The following CCDC178 variants were observed in gnomAD, a reference collection of about 807,000 sequenced individuals.
The protein encoded by CCDC178 is coiled-coil domain containing 178.
In CCDC178, 126 loss-of-function variants were observed where a neutral mutation model predicts 117.4. That is an observed-to-expected ratio of 1.07 (90% CI 0.93 to 1.24). CCDC178 has a LOEUF of 1.24. CCDC178 is among the 50% of genes most tolerant of loss of function. CCDC178 has a pLI of 0.00. For missense variants in CCDC178, 1,030 were observed against 986.9 expected (o/e 1.04, Z -0.59); for synonymous variants, 283 against 313.4 (o/e 0.90, Z 1.02).
intron 21 of CCDC178, among the ~76,000 whole-genome samples, chr18:33,077,125 T>C (rs2057222428): frequency 6.6e-6 from 1 of 152,196 alleles, no homozygotes; most frequent in Admixed American, 6.5e-5. Context: ...TTACAAGATA[T>C]TTATAATTGA....
chr18:33,167,972 G>A (rs1331011102), intron 20 of CCDC178, among the ~76,000 whole-genome samples: 1 of 151,934 alleles, frequency 6.6e-6, no homozygotes, highest in East Asian at 1.9e-4. Flanking sequence ...GTTCCTTATA[G>A]GTTTTGGATA....
At position 33,221,822 on chromosome 18, in the gene CCDC178, G is replaced by A. The variant is rs1002050385; in HGVS notation, c.1932+1284C>T. The stretch of plus-strand genomic sequence containing the variant: ...AAAGGCTTTGTGTACAAAACCACTA[G>A]TAAGATGAATAGAAAAAGCTGACCT... On this transcript the variant is annotated intron_variant, in intron 18 of 22. Transcript: ENST00000383096. 5.1e-4 allele frequency among the ~76,000 whole-genome samples: 77 copies of A among 152,108 alleles called. 1 individual carries two copies. Among genetic ancestry groups the A allele is most frequent in the African/African-American group, 1.8e-3 (74 of 41,534 alleles).
At chr18:33,079,330 G>C (rs1303098372) in intron 21 of CCDC178, among the ~76,000 whole-genome samples, 1 of 152,086 alleles carries the variant, frequency 6.6e-6, no homozygotes, top group Non-Finnish European at 1.5e-5. Context: ...AACCCTAGAA[G>C]GTAACCTAGG....
At chr18:33,202,327 G>T (rs1333415711) in intron 20 of CCDC178, among the ~76,000 whole-genome samples, 3 of 150,018 alleles carry the variant, frequency 2.0e-5, no homozygotes, top group Non-Finnish European at 4.4e-5. Flanking sequence ...GGTGGGGCGG[G>T]GGTTGCAGTG....
chr18:33,222,624 C>A (rs774728424), intron 18 of CCDC178, among the ~76,000 whole-genome samples: 2 of 152,044 alleles, frequency 1.3e-5, no homozygotes, highest in Admixed American at 6.6e-5. Flanking sequence ...TCTGGCCTAG[C>A]CTCTTATTGG....
At chr18:32,951,405 T>C (rs1442099527) in intron 22 of CCDC178, among the ~76,000 whole-genome samples, 2 of 152,100 alleles carry the variant, frequency 1.3e-5, no homozygotes, top group African/African-American at 4.8e-5. Flanking sequence ...ACAATCATGG[T>C]GGAAGGCACC....
chr18:33,400,678 T>A (rs1004197427), intron 3 of CCDC178, among the ~76,000 whole-genome samples: 2 of 152,226 alleles, frequency 1.3e-5, no homozygotes, highest in Non-Finnish European at 2.9e-5. Flanking sequence ...GAATGTTGTG[T>A]CTGGTTTGAT....
chr18:33,227,408 C>T (rs553282571), intron 15 of CCDC178, among the ~76,000 whole-genome samples: 65 of 151,230 alleles, frequency 4.3e-4, no homozygotes, highest in African/African-American at 1.5e-3. Context: ...AATTATCACG[C>T]AAAACCAGAA....
At chr18:33,132,615 G>T (rs1158099367) in intron 20 of CCDC178, among the ~76,000 whole-genome samples, 1 of 151,586 alleles carries the variant, frequency 6.6e-6, no homozygotes, top group Non-Finnish European at 1.5e-5. Context: ...TGAAAAATGA[G>T]GTGTTGGCTT....
chr18:33,398,781 A>C (rs1009526831), intron 3 of CCDC178, among the ~76,000 whole-genome samples: 1 of 152,186 alleles, frequency 6.6e-6, no homozygotes, highest in Admixed American at 6.5e-5. Context: ...TGAGTCATAC[A>C]AAGTGTTTGG....
chr18:33,092,540 T>C (rs887022852), intron 21 of CCDC178, among the ~76,000 whole-genome samples: 1 of 152,110 alleles, frequency 6.6e-6, no homozygotes, highest in African/African-American at 2.4e-5. Flanking sequence ...CAAATTACTA[T>C]AGAATAGTGG....
chr18:33,253,381 C>A (rs191663230), intron 14 of CCDC178, among the ~76,000 whole-genome samples: 4 of 151,874 alleles, frequency 2.6e-5, no homozygotes. Flanking sequence ...AGATAGTTTT[C>A]TAATGGAATC....
At chr18:33,029,843 G>A (rs2056300867) in intron 21 of CCDC178, among the ~76,000 whole-genome samples, 1 of 151,752 alleles carries the variant, frequency 6.6e-6, no homozygotes, top group South Asian at 2.1e-4. Context: ...GTTTTTCAGA[G>A]ACTGTACTTT....
At chr18:33,429,960 A>G (rs2064185124) in intron 2 of CCDC178, among the ~76,000 whole-genome samples, 1 of 152,206 alleles carries the variant, frequency 6.6e-6, no homozygotes, top group Non-Finnish European at 1.5e-5. Flanking sequence ...TCCACCTAAA[A>G]TGTAAACTTT....
intron 21 of CCDC178, among the ~76,000 whole-genome samples, chr18:33,059,605 C>T (rs191121766): frequency 4.6e-4 from 70 of 152,216 alleles, no homozygotes; most frequent in Middle Eastern, 3.4e-3. Context: ...CTCCAAATCA[C>T]GAAGTCCTTT....
chr18:33,335,552 CTT>C (rs1734182469), intron 9 of CCDC178, among the ~76,000 whole-genome samples: 1 of 151,874 alleles, frequency 6.6e-6, no homozygotes, highest in Non-Finnish European at 1.5e-5. Context: ...TTTTTCTCTC[CTT>C]GTCTTGCTGT....
intron 4 of CCDC178, among the ~76,000 whole-genome samples, chr18:33,390,169 A>G (rs934942132): frequency 2.6e-5 from 4 of 151,480 alleles, no homozygotes; most frequent in Non-Finnish European, 4.4e-5. Flanking sequence ...AGAAACTGTC[A>G]TTTTTAGAAA....
chr18:33,331,569 A>G (rs981337476), intron 10 of CCDC178, among the ~76,000 whole-genome samples: 4 of 152,134 alleles, frequency 2.6e-5, no homozygotes, highest in Admixed American at 2.6e-4. Context: ...TATTTCAAAG[A>G]GATTTCCTAG....
chr18:33,281,852 G>C (rs1384776507), intron 12 of CCDC178, among the ~76,000 whole-genome samples: 1 of 152,156 alleles, frequency 6.6e-6, no homozygotes, highest in East Asian at 1.9e-4. Context: ...AAAAGTTTTA[G>C]AGATATTTAT....
Sources: gnomAD v4.1 joint callset for allele counts (sites outside exome capture counted in the v4.1 genomes callset) on GRCh38, gnomAD v4.1.1 for gene constraint, MANE v1.5 for transcripts, NCBI Gene and HGNC (gene_info 2026-07-23, HGNC 2026-07-21) for gene names.